ADAMTS3: variants seen among roughly 807,000 people sequenced by gnomAD.
ADAMTS3 encodes A disintegrin and metalloproteinase with thrombospondin motifs 3.
Under a neutral mutation model 129.0 loss-of-function variants are expected in ADAMTS3, and 73 were observed. The ratio of observed to expected loss-of-function variants is 0.57; its 90% CI spans 0.47 to 0.69. The LOEUF is 0.69. ADAMTS3 is among the 30% of genes least tolerant of loss of function. The pLI is 0.00. For missense variants in ADAMTS3, 1,457 were observed against 1,514.5 expected (o/e 0.96, Z 0.63); for synonymous variants, 477 against 510.8 (o/e 0.93, Z 0.89).
intron 3 of ADAMTS3, among the ~76,000 whole-genome samples, chr4:72,502,384 T>A (rs2110025339): frequency 6.6e-6 from 1 of 152,276 alleles, no homozygotes; most frequent in East Asian, 1.9e-4. Flanking sequence ...TCCTCTAGAT[T>A]TTCTAGTTTG....
intron 3 of ADAMTS3, among the ~76,000 whole-genome samples, chr4:72,425,204 T>C (rs909458440): frequency 5.9e-5 from 9 of 152,198 alleles, no homozygotes; most frequent in Admixed American, 5.9e-4. Flanking sequence ...AATTATTATT[T>C]GTATTATTCT....
chr4:72,342,769 A>G (rs1179858313), intron 4 of ADAMTS3, among the ~76,000 whole-genome samples: 1 of 152,074 alleles, frequency 6.6e-6, no homozygotes. Context: ...ACTGACCCCA[A>G]CCAAATGCAT....
intron 3 of ADAMTS3, among the ~76,000 whole-genome samples, chr4:72,502,516 T>C (rs1342951649): frequency 6.6e-6 from 1 of 152,142 alleles, no homozygotes; most frequent in East Asian, 1.9e-4. Flanking sequence ...ACAGTTAATC[T>C]AAAGAGCAAT....
rs376664110 is a variant in ADAMTS3 at position 72,355,065 on chromosome 4, A to C, written c.662-15372T>G. ...GGCCAAACATTTAACTAACTAAACTATATATCTCTTATTGTATCCTAGCTT... is the reference window on the plus strand; with the variant it reads ...GGCCAAACATTTAACTAACTAAACTCTATATCTCTTATTGTATCCTAGCTT... On this transcript the variant is annotated intron_variant, in intron 4 of 21. Transcript: ENST00000286657. Among the ~76,000 whole-genome samples, 5 of 151,382 alleles carry C rather than the reference A, an allele frequency of 3.3e-5. No homozygotes were observed. In the South Asian group the frequency reaches 1.0e-3, roughly 31 times the overall value.
intron 4 of ADAMTS3, among the ~76,000 whole-genome samples, chr4:72,366,496 G>A (rs1720872003): frequency 6.6e-6 from 1 of 152,192 alleles, no homozygotes; most frequent in Non-Finnish European, 1.5e-5. Context: ...GAATGGAGAT[G>A]TGATTATTTG....
At chr4:72,285,969 A>G (rs114894644) in intron 21 of ADAMTS3, among the ~76,000 whole-genome samples, 1,558 of 152,274 alleles carry the variant, frequency 0.01, 26 homozygotes, top group African/African-American at 0.035. Flanking sequence ...TTCTGATAGA[A>G]AGTATTACTT....
At position 72,281,348 on chromosome 4, in the gene ADAMTS3, G is replaced by A. The variant is rs558418322; in HGVS notation, c.*1788C>T. Reference sequence around the variant, plus strand: ...ATAGTTTAAGCTGTTAGTTTACAACGATTAAAATGCAAAAGTTCTTGCACA... The same window carrying A: ...ATAGTTTAAGCTGTTAGTTTACAACAATTAAAATGCAAAAGTTCTTGCACA... On this transcript the variant is annotated 3_prime_UTR_variant, in exon 22 of 22. Coordinates refer to ENST00000286657, the MANE Select transcript of ADAMTS3 (RefSeq NM_014243.3). The A allele has an allele frequency of 6.6e-6, 1 of 152,522 alleles. No individual in the cohort carries two copies. Among genetic ancestry groups the A allele is most frequent in the Non-Finnish European group, 1.5e-5 (1 of 67,998 alleles). The allele number at this position is 152,522 out of a possible 1,614,324, so 9.4% of individuals were successfully genotyped here.
intron 3 of ADAMTS3, among the ~76,000 whole-genome samples, chr4:72,517,071 T>C (rs983612889): frequency 6.6e-5 from 10 of 152,048 alleles, no homozygotes; most frequent in Non-Finnish European, 1.2e-4. Context: ...GTCAAAGGCC[T>C]TTTCTGCATC....
chr4:72,568,932 T>C lies in ADAMTS3; in HGVS notation c.-170A>G. The C allele has an allele frequency of 1.6e-6, 1 of 625,626 alleles. No homozygotes were observed. Among genetic ancestry groups the C allele is most frequent in the Non-Finnish European group, 2.9e-6 (1 of 349,856 alleles). The allele number at this position is 625,626 out of a possible 1,614,324, so 38.8% of individuals were successfully genotyped here. A position where few individuals can be genotyped will look rare whatever the true frequency, so the allele number is the denominator to read the frequency against. On this transcript the variant is annotated 5_prime_UTR_variant, in exon 1 of 22. Transcript: ENST00000286657. ...TTCAATGAAAATGAAATTTGAGCTCTGAGACTGGCCCCCTCTGCTCTGCAG... is the reference window on the plus strand; with the variant it reads ...TTCAATGAAAATGAAATTTGAGCTCCGAGACTGGCCCCCTCTGCTCTGCAG...
intron 4 of ADAMTS3, among the ~76,000 whole-genome samples, chr4:72,349,540 A>G (rs188576195): frequency 2.0e-5 from 3 of 152,082 alleles, no homozygotes; most frequent in Admixed American, 6.6e-5. Flanking sequence ...AGACATTGGC[A>G]GTTATACACA....
intron 4 of ADAMTS3, among the ~76,000 whole-genome samples, chr4:72,380,790 G>C (rs978857741): frequency 6.6e-6 from 1 of 152,134 alleles, no homozygotes; most frequent in Non-Finnish European, 1.5e-5. Context: ...ATAAAAAAAT[G>C]TGTAGCAGAG....
At chr4:72,449,735 A>G (rs1164097782) in intron 3 of ADAMTS3, among the ~76,000 whole-genome samples, 1 of 151,790 alleles carries the variant, frequency 6.6e-6, no homozygotes, top group African/African-American at 2.4e-5. Context: ...TTACACAGCC[A>G]TACAAGACTG....
At chr4:72,445,463 A>G (rs1008848780) in intron 3 of ADAMTS3, among the ~76,000 whole-genome samples, 1 of 151,756 alleles carries the variant, frequency 6.6e-6, no homozygotes, top group African/African-American at 2.4e-5. Flanking sequence ...TCACTTAAGT[A>G]CACTGTCCTT....
At chr4:72,507,215 G>T (rs746447844) in intron 3 of ADAMTS3, among the ~76,000 whole-genome samples, 1 of 151,922 alleles carries the variant, frequency 6.6e-6, no homozygotes, top group Non-Finnish European at 1.5e-5. Context: ...CACTGTCTGT[G>T]GCAGGTCCAT....
chr4:72,310,358 C>T (rs191079129), intron 14 of ADAMTS3, among the ~76,000 whole-genome samples: 1 of 152,092 alleles, frequency 6.6e-6, no homozygotes, highest in Non-Finnish European at 1.5e-5. Flanking sequence ...GGTACTGCGG[C>T]AGGTAAAAGC....
At chr4:72,297,762 GAT>G (rs1461024310) in intron 18 of ADAMTS3, among the ~76,000 whole-genome samples, 8 of 152,116 alleles carry the variant, frequency 5.3e-5, no homozygotes, top group Non-Finnish European at 8.8e-5. Flanking sequence ...CTTTAACAGA[GAT>G]AACAACAGTA....
In ADAMTS3 at chr4:72,312,288, C is replaced by A. The variant is rs1719260772; in HGVS notation, c.1921+3G>T. Reference sequence around the variant, plus strand: ...GCAGGAAGGAGAGCACGAGGCTACTCACGGTCAGGATGTTCATATGGCAAC... The same window carrying A: ...GCAGGAAGGAGAGCACGAGGCTACTAACGGTCAGGATGTTCATATGGCAAC... On this transcript the variant is annotated splice_donor_region_variant and intron_variant, in intron 13 of 21. Transcript: ENST00000286657. The A allele has an allele frequency of 1.2e-6, 2 of 1,613,372 alleles. No homozygotes were observed. Among genetic ancestry groups the A allele is most frequent in the Non-Finnish European group, 1.7e-6 (2 of 1,179,558 alleles).
In ADAMTS3 at chr4:72,312,146, A is replaced by G. The variant is rs563950743; in HGVS notation, c.1921+145T>C. 22 of 785,264 alleles carry G rather than the reference A, an allele frequency of 2.8e-5. No homozygotes were observed. In the South Asian group the frequency reaches 3.1e-4, roughly 11 times the overall value. The allele number at this position is 785,264 out of a possible 1,614,324, so 48.6% of individuals were successfully genotyped here. ...GAAAGGGTATTTAAGCCTTATTCTT[A>G]GAAACCCAGGAGAACTTACTCCTAT... On this transcript the variant is annotated intron_variant, in intron 13 of 21. Transcript: ENST00000286657.
chr4:72,394,842 C>T (rs914205376), intron 4 of ADAMTS3, among the ~76,000 whole-genome samples: 22 of 151,956 alleles, frequency 1.4e-4, no homozygotes, highest in Admixed American at 8.5e-4. Flanking sequence ...TACTAAATGT[C>T]CAGTAGTTTC....
Sources: allele counts gnomAD v4.1 joint callset (sites outside exome capture counted in the v4.1 genomes callset), GRCh38; gene constraint gnomAD v4.1.1; transcripts MANE v1.5; gene names NCBI Gene and HGNC (gene_info 2026-07-23, HGNC 2026-07-21).